Variants in MGAT4C observed in about 807,000 individuals in gnomAD.
MGAT4C encodes the protein alpha-1,3-mannosyl-glycoprotein 4-beta-N-acetylglucosaminyltransferase C.
Under a neutral mutation model 40.1 loss-of-function variants are expected in MGAT4C, and 19 were observed. That is an observed-to-expected ratio of 0.47 (90% CI 0.33 to 0.70). MGAT4C has a LOEUF of 0.70. Ranked by LOEUF, MGAT4C falls within the 30% of genes least tolerant of loss-of-function variation. MGAT4C has a pLI of 0.02. For synonymous variants in MGAT4C, 181 were observed against 187.1 expected, an observed-to-expected ratio of 0.97 and a Z score of 0.27; for missense variants, 491 against 563.2, an observed-to-expected ratio of 0.87 and a Z score of 1.30.
At chr12:86,805,296 G>A (rs1340885841) in intron 1 of MGAT4C, among the ~76,000 whole-genome samples, 1 of 151,758 alleles carries the variant, frequency 6.6e-6, no homozygotes, top group African/African-American at 2.4e-5. Context: ...CTTAGGTTTG[G>A]AATATTAATG....
intron 1 of MGAT4C, among the ~76,000 whole-genome samples, chr12:86,230,821 A>G (rs191028817): frequency 5.3e-5 from 8 of 152,066 alleles, no homozygotes; most frequent in Admixed American, 5.2e-4. Context: ...TGTAGCAAGG[A>G]TGACTCTGGA....
chr12:86,297,157 A>C (rs1188160550), intron 4 of MGAT4C, among the ~76,000 whole-genome samples: 2 of 152,220 alleles, frequency 1.3e-5, no homozygotes, highest in African/African-American at 4.8e-5. Context: ...AGTTTAAGTA[A>C]TACTTTATTT....
chr12:86,418,600 A>ATAAT (rs1204932095), intron 3 of MGAT4C, among the ~76,000 whole-genome samples: 1 of 151,100 alleles, frequency 6.6e-6, no homozygotes, highest in Non-Finnish European at 1.5e-5. Context: ...CAATAAATAA[A>ATAAT]TAAATAAATA....
In MGAT4C at chr12:86,729,954, A is replaced by AT. The variant is rs201823449; in HGVS notation, c.-261-2714dup. 5.2e-3 allele frequency among the ~76,000 whole-genome samples: 788 copies of AT among 152,150 alleles called. 3 individuals are homozygous for AT. The highest frequency in any genetic ancestry group is 0.019 in the African/African-American group (769 of 41,538). On this transcript the variant is annotated intron_variant, in intron 1 of 7. Transcript: ENST00000548651. ...AATTTGTAAAAATAAATCACTTCTCATTTTTTTGATATTAATCATGGCATA... is the reference window on the plus strand; with the variant it reads ...AATTTGTAAAAATAAATCACTTCTCATTTTTTTTGATATTAATCATGGCATA...
At chr12:86,629,389 T>C (rs1416870250) in intron 2 of MGAT4C, among the ~76,000 whole-genome samples, 2 of 152,144 alleles carry the variant, frequency 1.3e-5, no homozygotes, top group South Asian at 4.1e-4. Context: ...AACTCAGGTC[T>C]GCAACAAGCA....
chr12:86,533,624 T>C (rs535825220), intron 2 of MGAT4C, among the ~76,000 whole-genome samples: 9 of 151,616 alleles, frequency 5.9e-5, no homozygotes, highest in Non-Finnish European at 7.4e-5. Flanking sequence ...CTATGTACTA[T>C]ATACTACTAT....
chr12:86,279,580 G>A (rs768169016), intron 4 of MGAT4C, among the ~76,000 whole-genome samples: 8 of 150,766 alleles, frequency 5.3e-5, no homozygotes, highest in South Asian at 2.1e-4. Flanking sequence ...TTACCTTTTC[G>A]AAAACAAGCA....
chr12:86,139,398 G>A (rs1449442702), intron 1 of MGAT4C, among the ~76,000 whole-genome samples: 4 of 151,586 alleles, frequency 2.6e-5, no homozygotes, highest in Non-Finnish European at 5.9e-5. Context: ...TTTCCTATAT[G>A]TTTAAAAGAC....
chr12:86,721,338 TA>T (rs1279788230), intron 2 of MGAT4C, among the ~76,000 whole-genome samples: 2 of 151,754 alleles, frequency 1.3e-5, no homozygotes, highest in Non-Finnish European at 2.9e-5. Flanking sequence ...GAGGATTAAT[TA>T]GAAGAAACAT....
intron 2 of MGAT4C, among the ~76,000 whole-genome samples, chr12:86,604,638 T>A (rs1961980207): frequency 6.6e-6 from 1 of 152,292 alleles, no homozygotes; most frequent in East Asian, 1.9e-4. Context: ...GAAGTCACTT[T>A]CAGATATTTT....
chr12:86,680,523 C>T (rs1949962250), intron 2 of MGAT4C, among the ~76,000 whole-genome samples: 4 of 152,080 alleles, frequency 2.6e-5, no homozygotes, highest in East Asian at 1.9e-4. Flanking sequence ...GCAGTTGTTT[C>T]GTTTAATGTA....
chr12:86,198,892 G>A (rs7956812), intron 1 of MGAT4C, among the ~76,000 whole-genome samples: 102,731 of 152,022 alleles, frequency 0.68, 35,015 homozygotes, highest in South Asian at 0.75. Context: ...TATGGCTCAC[G>A]CTAGACTCAG....
chr12:86,649,974 T>C (rs753007283), intron 2 of MGAT4C, among the ~76,000 whole-genome samples: 1 of 151,872 alleles, frequency 6.6e-6, no homozygotes, highest in Non-Finnish European at 1.5e-5. Flanking sequence ...CCTCCTGCAA[T>C]GCACCATCAG....
chr12:86,732,781 C>A (rs957282966), intron 1 of MGAT4C, among the ~76,000 whole-genome samples: 2 of 151,432 alleles, frequency 1.3e-5, no homozygotes, highest in African/African-American at 4.9e-5. Flanking sequence ...GTTTGGAGAC[C>A]CCTGTTTTAA....
intron 1 of MGAT4C, among the ~76,000 whole-genome samples, chr12:86,147,246 A>G (rs544132021): frequency 6.8e-6 from 1 of 148,134 alleles, no homozygotes; most frequent in Non-Finnish European, 1.5e-5. Context: ...AATTTATTAA[A>G]TTTTTTTTTT....
rs1194952813 is a variant in MGAT4C at position 85,976,844 on chromosome 12, G to T, written c.*2445C>A. 2 of 150,754 alleles carry T rather than the reference G, an allele frequency of 1.3e-5. No individual in the cohort carries two copies. Among genetic ancestry groups the T allele is most frequent in the Non-Finnish European group, 3.0e-5 (2 of 67,126 alleles). 9.3% of individuals were successfully genotyped at this position (150,754 alleles called of 1,614,324 possible). A position where few individuals can be genotyped will look rare whatever the true frequency, so the allele number is the denominator to read the frequency against. On this transcript the variant is annotated 3_prime_UTR_variant, in exon 5 of 5. Coordinates refer to ENST00000611864, the MANE Select transcript of MGAT4C (RefSeq NM_001351288.2). ...TCAAAGTTTCTAAATATAGGAAATA[G>T]AACATTGGGCCATGCTAAAAAAATT...
At chr12:86,548,579 G>T (rs1959218576) in intron 2 of MGAT4C, among the ~76,000 whole-genome samples, 1 of 152,076 alleles carries the variant, frequency 6.6e-6, no homozygotes, top group African/African-American at 2.4e-5. Flanking sequence ...AGGGACATCA[G>T]CCAGATGAAC....
At chr12:86,409,874 G>A (rs141327167) in intron 3 of MGAT4C, among the ~76,000 whole-genome samples, 1 of 151,930 alleles carries the variant, frequency 6.6e-6, no homozygotes, top group East Asian at 1.9e-4. Context: ...GCCGATCTGA[G>A]AAATAAAGAG....
chr12:86,209,647 A>G (rs188833276), intron 1 of MGAT4C, among the ~76,000 whole-genome samples: 2 of 152,262 alleles, frequency 1.3e-5, no homozygotes, highest in Non-Finnish European at 2.9e-5. Flanking sequence ...ATTTTAATAA[A>G]AGATTCTGTA....
Sources: allele counts gnomAD v4.1 joint callset (sites outside exome capture counted in the v4.1 genomes callset), GRCh38; gene constraint gnomAD v4.1.1; transcripts MANE v1.5; gene names NCBI Gene and HGNC (gene_info 2026-07-23, HGNC 2026-07-21).